CACNA2D1: variants seen among roughly 807,000 people sequenced by gnomAD.
The protein encoded by CACNA2D1 is voltage-dependent calcium channel subunit alpha-2/delta-1.
CACNA2D1 carries 53 observed loss-of-function variants against 171.5 expected under a neutral mutation model. The ratio of observed to expected loss-of-function variants is 0.31; its 90% CI spans 0.25 to 0.39. CACNA2D1 has a LOEUF of 0.39. Ranked by LOEUF, CACNA2D1 falls within the 10% of genes least tolerant of loss-of-function variation. The pLI is 1.00. For synonymous variants in CACNA2D1, 442 were observed against 443.1 expected, an observed-to-expected ratio of 1.00 and a Z score of 0.03; for missense variants, 903 against 1,299.8, an observed-to-expected ratio of 0.69 and a Z score of 4.69.
intron 1 of CACNA2D1, among the ~76,000 whole-genome samples, chr7:82,424,285 G>A (rs1828979991): frequency 6.6e-6 from 1 of 152,114 alleles, no homozygotes; most frequent in African/African-American, 2.4e-5. Context: ...GTATATGAAG[G>A]ACCTACTTTT....
intron 2 of CACNA2D1, among the ~76,000 whole-genome samples, chr7:82,347,021 G>A (rs1463461032): frequency 1.3e-5 from 2 of 152,154 alleles, no homozygotes; most frequent in African/African-American, 4.8e-5. Context: ...ATGGACATAT[G>A]TATTCTCCAA....
At chr7:82,418,286 C>T (rs896025298) in intron 1 of CACNA2D1, among the ~76,000 whole-genome samples, 1 of 152,100 alleles carries the variant, frequency 6.6e-6, no homozygotes, top group Non-Finnish European at 1.5e-5. Context: ...CCTGGTCCCC[C>T]CTACCACAAC....
intron 4 of CACNA2D1, among the ~76,000 whole-genome samples, chr7:82,148,726 C>T (rs768122231): frequency 1.3e-5 from 2 of 152,164 alleles, no homozygotes; most frequent in African/African-American, 4.8e-5. Context: ...CAACCTCCGC[C>T]TCCCAGGTTC....
intron 4 of CACNA2D1, 41 bp from the exon 5 acceptor site, chr7:82,136,717 C>T (rs768489607): frequency 1.7e-5 from 23 of 1,331,078 alleles, no homozygotes; most frequent in Non-Finnish European, 2.3e-5. Context: ...TTAATAAAAA[C>T]AATACTGTAT....
At position 82,103,973 on chromosome 7, in the gene CACNA2D1, A is replaced by G. The variant is rs1186225477; in HGVS notation, c.526+13071T>C. Among the ~76,000 whole-genome samples, 3 of 152,170 alleles carry G rather than the reference A, an allele frequency of 2.0e-5. No homozygotes were observed. In the East Asian group the frequency reaches 5.8e-4, roughly 29 times the overall value. ...GCATATTCATAACTTGAAGGCCATC[A>G]AAGTGAATAATTTCATATTCAAATT... On this transcript the variant is annotated intron_variant, in intron 6 of 38. Transcript: ENST00000356860.
chr7:82,094,348 G>A (rs981844717), intron 6 of CACNA2D1, among the ~76,000 whole-genome samples: 8 of 152,170 alleles, frequency 5.3e-5, no homozygotes, highest in South Asian at 2.1e-4. Context: ...ACAACATGAG[G>A]TTAATATCCT....
intron 3 of CACNA2D1, among the ~76,000 whole-genome samples, chr7:82,321,876 C>G (rs1012243177): frequency 1.3e-5 from 2 of 151,924 alleles, no homozygotes; most frequent in Admixed American, 6.6e-5. Context: ...CCTGTAATCC[C>G]AGCACTTTGG....
chr7:82,362,695 T>A (rs12531682), intron 1 of CACNA2D1, among the ~76,000 whole-genome samples: 1 of 152,010 alleles, frequency 6.6e-6, no homozygotes, highest in East Asian at 1.9e-4. Flanking sequence ...GGCCTCATAC[T>A]CATTTGTATC....
At chr7:82,100,587 A>G (rs1022245862) in intron 6 of CACNA2D1, among the ~76,000 whole-genome samples, 1 of 152,316 alleles carries the variant, frequency 6.6e-6, no homozygotes, top group South Asian at 2.1e-4. Flanking sequence ...ATCAAAGTGT[A>G]CTTATTTTCT....
intron 4 of CACNA2D1, among the ~76,000 whole-genome samples, chr7:82,155,656 A>T (rs1393201677): frequency 6.6e-6 from 1 of 152,176 alleles, no homozygotes; most frequent in African/African-American, 2.4e-5. Flanking sequence ...TTGGTTCATC[A>T]AAGCTAGATT....
intron 3 of CACNA2D1, among the ~76,000 whole-genome samples, chr7:82,226,448 T>A (rs932052018): frequency 6.6e-6 from 1 of 152,176 alleles, no homozygotes; most frequent in Non-Finnish European, 1.5e-5. Flanking sequence ...CTATTACCCA[T>A]CCCTTCTAGA....
intron 1 of CACNA2D1, among the ~76,000 whole-genome samples, chr7:82,366,906 T>TTTTTTTTTTTTTTTTTTTC: frequency 7.4e-6 from 1 of 134,938 alleles, no homozygotes; most frequent in Non-Finnish European, 1.6e-5. Flanking sequence ...TTTTGACCTT[T>TTTTTTTTTTTTTTTTTTTC]TTTTTTTTTT....
chr7:82,014,249 G>T, intron 13 of CACNA2D1, 152 bp downstream of exon 13: 1 of 609,712 alleles, frequency 1.6e-6, no homozygotes, highest in Non-Finnish European at 2.9e-6. Context: ...ATTGGTATGT[G>T]TTTTCTCTAT....
intron 1 of CACNA2D1, among the ~76,000 whole-genome samples, chr7:82,365,592 T>G (rs543674467): frequency 6.6e-6 from 1 of 152,330 alleles, no homozygotes; most frequent in East Asian, 1.9e-4. Context: ...GATCAATGAA[T>G]AGATGGTGTT....
intron 3 of CACNA2D1, among the ~76,000 whole-genome samples, chr7:82,172,859 TAAAC>T (rs200457274): frequency 0.064 from 9,635 of 151,306 alleles, 635 homozygotes; most frequent in African/African-American, 0.17. Context: ...TTCTGGAACT[TAAAC>T]AAAATTCTGA....
At chr7:82,062,538 AT>A (rs1201503272) in intron 9 of CACNA2D1, among the ~76,000 whole-genome samples, 1 of 149,782 alleles carries the variant, frequency 6.7e-6, no homozygotes, top group Non-Finnish European at 1.5e-5. Context: ...TATTTTTGTT[AT>A]TTGTTAAGGT....
intron 20 of CACNA2D1, among the ~76,000 whole-genome samples, 195 bp downstream of exon 20, chr7:81,994,673 A>G (rs1238138800): frequency 6.6e-6 from 1 of 152,048 alleles, no homozygotes; most frequent in Non-Finnish European, 1.5e-5. Flanking sequence ...TTATAAAAAG[A>G]AAAAGAGGGT....
intron 18 of CACNA2D1, among the ~76,000 whole-genome samples, chr7:81,999,604 A>T (rs1277225768): frequency 6.6e-6 from 1 of 152,214 alleles, no homozygotes; most frequent in African/African-American, 2.4e-5. Flanking sequence ...GAGTTTTCTT[A>T]GAATGAAAAC....
intron 3 of CACNA2D1, among the ~76,000 whole-genome samples, chr7:82,258,817 C>CTTTTTTTTTTTTTTTATTTTTTTTTTTTT (rs1806650538): frequency 1.4e-5 from 1 of 72,618 alleles, no homozygotes; most frequent in Admixed American, 1.7e-4. Flanking sequence ...TCTTACTTTT[C>CTTTTTTTTTTTTTTTATTTTTTTTTTTTT]TTTTTTTTTT....
Sources: allele counts gnomAD v4.1 joint callset (sites outside exome capture counted in the v4.1 genomes callset), GRCh38; gene constraint gnomAD v4.1.1; transcripts MANE v1.5; gene names NCBI Gene and HGNC (gene_info 2026-07-23, HGNC 2026-07-21).